Variants in MGAT4C observed in about 807,000 individuals in gnomAD.
MGAT4C encodes the protein MGAT4 family member C.
In MGAT4C, 19 loss-of-function variants were observed where a neutral mutation model predicts 40.1. The observed-to-expected ratio is 0.47, with a 90% CI of 0.33 to 0.70. MGAT4C has a LOEUF of 0.70. Among genes scored for constraint, MGAT4C ranks in the 30% least tolerant of loss-of-function variants. The probability of loss-of-function intolerance (pLI) is 0.02; values close to 1 mark genes in which losing one functional copy is unlikely to be tolerated. For missense variants in MGAT4C, 491 were observed against 563.2 expected (o/e 0.87, Z 1.30); for synonymous variants, 181 against 187.1 (o/e 0.97, Z 0.27).
chr12:86,359,451 G>T (rs1592739321), intron 3 of MGAT4C, among the ~76,000 whole-genome samples: 2 of 152,042 alleles, frequency 1.3e-5, no homozygotes, highest in East Asian at 1.9e-4. Flanking sequence ...TCAAAAGCTA[G>T]CAGAAGGCAA....
chr12:86,621,260 A>G (rs1962627339), intron 2 of MGAT4C, among the ~76,000 whole-genome samples: 1 of 152,162 alleles, frequency 6.6e-6, no homozygotes, highest in Non-Finnish European at 1.5e-5. Flanking sequence ...GCTATAACAT[A>G]GGGTGAATGT....
intron 2 of MGAT4C, among the ~76,000 whole-genome samples, chr12:86,456,312 C>T (rs1957511136): frequency 6.6e-6 from 1 of 151,976 alleles, no homozygotes; most frequent in Non-Finnish European, 1.5e-5. Context: ...AGCGGAAGAG[C>T]CACATAATCA....
In MGAT4C at chr12:85,967,578, G is replaced by A. The variant is rs981059915; in HGVS notation, c.*11711C>T. The stretch of plus-strand genomic sequence containing the variant: ...ACTGATCTCAAATTATTATTTTGAG[G>A]TGTATCCATTTATTTAAAAAAGCCT... On this transcript the variant is annotated 3_prime_UTR_variant, in exon 5 of 5. Transcript: ENST00000611864. The A allele has an allele frequency of 3.6e-4, 54 of 152,066 alleles. No homozygotes were observed. Among genetic ancestry groups the A allele is most frequent in the African/African-American group, 1.3e-3 (53 of 41,524 alleles). 9.4% of individuals were successfully genotyped at this position (152,066 alleles called of 1,614,324 possible).
chr12:86,837,236 T>C (rs1953055501), intron 1 of MGAT4C, among the ~76,000 whole-genome samples: 1 of 152,166 alleles, frequency 6.6e-6, no homozygotes. Context: ...TAAGGCCCTG[T>C]TCCTCAATTC....
intron 2 of MGAT4C, among the ~76,000 whole-genome samples, chr12:86,446,663 ATATATAT>A (rs1957342207): frequency 1.8e-5 from 1 of 54,948 alleles, no homozygotes; most frequent in African/African-American, 6.2e-5. Flanking sequence ...TAACTCATAT[ATATATAT>A]ATATATATAT....
At chr12:86,584,393 C>G (rs1263623427) in intron 2 of MGAT4C, among the ~76,000 whole-genome samples, 1 of 150,726 alleles carries the variant, frequency 6.6e-6, no homozygotes, top group Non-Finnish European at 1.5e-5. Context: ...CTAAGGAATT[C>G]TTCCTGTGAA....
intron 4 of MGAT4C, among the ~76,000 whole-genome samples, chr12:86,285,152 C>T (rs1378527691): frequency 6.6e-6 from 1 of 151,898 alleles, no homozygotes; most frequent in Non-Finnish European, 1.5e-5. Flanking sequence ...TACATCATCT[C>T]CAGGTACTAG....
chr12:86,427,500 T>A (rs560358058), intron 3 of MGAT4C, among the ~76,000 whole-genome samples: 1 of 152,148 alleles, frequency 6.6e-6, no homozygotes, highest in Admixed American at 6.5e-5. Flanking sequence ...CATTCTCCCA[T>A]CCACCTTACA....
At chr12:86,709,967 A>T (rs1031844604) in intron 2 of MGAT4C, among the ~76,000 whole-genome samples, 3 of 152,178 alleles carry the variant, frequency 2.0e-5, no homozygotes, top group Non-Finnish European at 1.5e-5. Context: ...TCTCAGAGAC[A>T]ACTAAGAGTT....
At position 86,586,728 on chromosome 12, in the gene MGAT4C, G is replaced by T. The variant is rs372723055; in HGVS notation, c.-229+140481C>A. 2.3e-3 allele frequency among the ~76,000 whole-genome samples: 346 copies of T among 150,340 alleles called. 3 individuals carry two copies. The highest frequency in any genetic ancestry group is 7.8e-3 in the African/African-American group (321 of 41,146). On this transcript the variant is annotated intron_variant, in intron 2 of 7. Transcript: ENST00000548651. The stretch of plus-strand genomic sequence containing the variant: ...GATGGTGAGCATTTTTTCATGTGTT[G>T]TTTGGCTGCATAAATGTCTTCTTTT...
intron 1 of MGAT4C, among the ~76,000 whole-genome samples, chr12:86,083,279 C>T (rs1353236864): frequency 6.6e-6 from 1 of 152,020 alleles, no homozygotes; most frequent in African/African-American, 2.4e-5. Context: ...AAGGCCTTTA[C>T]CTAGCTGATC....
At position 86,096,422 on chromosome 12, in the gene MGAT4C, TC is replaced by T. The variant is rs574235206; in HGVS notation, c.-56-46700del. Among the ~76,000 whole-genome samples, 733 of 150,040 alleles carry T rather than the reference TC, an allele frequency of 4.9e-3. 8 individuals are homozygous for T. The highest frequency in any genetic ancestry group is 0.017 in the African/African-American group (701 of 41,144). ...CTCCTCCCCTCCCCTCCCCTCCCCT[TC>T]CCTTCCTTTTTTTTCTTTCTTTCAT... On this transcript the variant is annotated intron_variant, in intron 1 of 4. Transcript: ENST00000611864.
At chr12:86,254,074 G>A (rs1364167618) in intron 1 of MGAT4C, among the ~76,000 whole-genome samples, 1 of 151,824 alleles carries the variant, frequency 6.6e-6, no homozygotes, top group Non-Finnish European at 1.5e-5. Flanking sequence ...AAGAACATAT[G>A]TATTTAAAAG....
intron 1 of MGAT4C, among the ~76,000 whole-genome samples, chr12:86,081,200 T>C (rs965657835): frequency 6.6e-6 from 1 of 152,126 alleles, no homozygotes; most frequent in South Asian, 2.1e-4. Context: ...CTTGAACAGT[T>C]CCTGAATAGT....
intron 2 of MGAT4C, among the ~76,000 whole-genome samples, chr12:86,699,320 T>G (rs1407278794): frequency 6.6e-6 from 1 of 152,160 alleles, no homozygotes; most frequent in Non-Finnish European, 1.5e-5. Flanking sequence ...CTTAGACTCT[T>G]TCTGCTGTGC....
At chr12:86,304,111 A>G (rs1271322556) in intron 4 of MGAT4C, among the ~76,000 whole-genome samples, 1 of 150,764 alleles carries the variant, frequency 6.6e-6, no homozygotes, top group East Asian at 1.9e-4. Flanking sequence ...TTAAATTTCC[A>G]TTTGAAATGA....
chr12:86,310,938 C>G (rs1161583229), intron 4 of MGAT4C, among the ~76,000 whole-genome samples: 3 of 152,110 alleles, frequency 2.0e-5, no homozygotes, highest in Non-Finnish European at 4.4e-5. Flanking sequence ...AACAAACAAA[C>G]AAAAAAACAA....
At chr12:86,211,432 A>T (rs1950460722) in intron 1 of MGAT4C, among the ~76,000 whole-genome samples, 1 of 140,482 alleles carries the variant, frequency 7.1e-6, no homozygotes, top group South Asian at 2.3e-4. Context: ...AAAAAAAAAA[A>T]AAAAATTAGC....
intron 3 of MGAT4C, among the ~76,000 whole-genome samples, chr12:86,421,013 CA>C (rs1276081326): frequency 1.3e-5 from 2 of 151,722 alleles, no homozygotes; most frequent in Non-Finnish European, 1.5e-5. Flanking sequence ...GTTCACATTT[CA>C]AAACTCCTTT....
Sources: allele counts gnomAD v4.1 joint callset (sites outside exome capture counted in the v4.1 genomes callset), GRCh38; gene constraint gnomAD v4.1.1; transcripts MANE v1.5; gene names NCBI Gene and HGNC (gene_info 2026-07-23, HGNC 2026-07-21).